FRMD6: variants seen among roughly 807,000 people sequenced by gnomAD.
FRMD6 encodes FERM domain-containing protein 6.
A neutral mutation model predicts 73.2 loss-of-function variants in FRMD6; 37 were observed. The ratio of observed to expected loss-of-function variants is 0.51; its 90% CI spans 0.39 to 0.66. The LOEUF is 0.66. FRMD6 is among the 30% of genes least tolerant of loss of function. The pLI is 0.00. For missense variants in FRMD6, 714 were observed against 780.5 expected (o/e 0.91, Z 1.02); for synonymous variants, 273 against 282.2 (o/e 0.97, Z 0.33).
At chr14:51,719,963 G>T in intron 10 of FRMD6, 92 bp from the exon 11 acceptor site, 2 of 920,208 alleles carry the variant, frequency 2.2e-6, no homozygotes, top group Non-Finnish European at 3.3e-6. Flanking sequence ...TTCTGAATTT[G>T]AAGTTATCCT....
At chr14:51,630,753 A>G (rs1243379415) in intron 2 of FRMD6, among the ~76,000 whole-genome samples, 1 of 152,210 alleles carries the variant, frequency 6.6e-6, no homozygotes, top group African/African-American at 2.4e-5. Flanking sequence ...CTCTAAAAAA[A>G]TACATAAATA....
chr14:51,457,905 A>G, the FRMD6 span, among the ~76,000 whole-genome samples: 1 of 152,218 alleles, frequency 6.6e-6, no homozygotes, highest in Admixed American at 6.5e-5. Context: ...TGGGGAACAC[A>G]TGGATCAAAT....
intron 2 of FRMD6, among the ~76,000 whole-genome samples, chr14:51,642,672 G>T (rs1403553793): frequency 6.6e-6 from 1 of 152,158 alleles, no homozygotes; most frequent in African/African-American, 2.4e-5. Flanking sequence ...TGTGGTGCTA[G>T]ATGTAGTATG....
intron 1 of FRMD6, among the ~76,000 whole-genome samples, chr14:51,516,191 A>T (rs1269534871): frequency 6.6e-6 from 1 of 152,088 alleles, no homozygotes; most frequent in Non-Finnish European, 1.5e-5. Flanking sequence ...TAAGGACTAA[A>T]CACAGCTATT....
intron 1 of FRMD6, among the ~76,000 whole-genome samples, chr14:51,547,363 C>T (rs1886531523): frequency 6.6e-6 from 1 of 152,154 alleles, no homozygotes; most frequent in South Asian, 2.1e-4. Flanking sequence ...TTTCTCTTGG[C>T]TGTAAGTTTG....
intron 1 of FRMD6, among the ~76,000 whole-genome samples, chr14:51,508,518 C>T (rs541843092): frequency 2.0e-5 from 3 of 152,160 alleles, no homozygotes; most frequent in African/African-American, 7.2e-5. Context: ...GAGACAAGAG[C>T]AAGACGTGAA....
At chr14:51,399,953 A>G in the FRMD6 span, among the ~76,000 whole-genome samples, 9 of 149,604 alleles carry the variant, frequency 6.0e-5, no homozygotes, top group East Asian at 9.6e-4. Flanking sequence ...TTTAGTTAGC[A>G]AATATTCCTT....
intron 1 of FRMD6, among the ~76,000 whole-genome samples, chr14:51,515,392 G>C (rs1177557683): frequency 6.6e-6 from 1 of 152,218 alleles, no homozygotes; most frequent in Non-Finnish European, 1.5e-5. Flanking sequence ...CCTACTGGCT[G>C]CCTCCCTGAA....
intron 2 of FRMD6, among the ~76,000 whole-genome samples, chr14:51,574,323 C>T (rs1184029433): frequency 1.3e-5 from 2 of 152,106 alleles, no homozygotes; most frequent in Non-Finnish European, 2.9e-5. Context: ...AGGGCACATG[C>T]AAAAATAGAC....
At chr14:51,537,151 T>C (rs1885945142) in intron 1 of FRMD6, among the ~76,000 whole-genome samples, 1 of 152,262 alleles carries the variant, frequency 6.6e-6, no homozygotes, top group Non-Finnish European at 1.5e-5. Context: ...AGTTTTACTT[T>C]CCTCAAAACC....
At chr14:51,475,157 G>T in the FRMD6 span, among the ~76,000 whole-genome samples, 2 of 152,062 alleles carry the variant, frequency 1.3e-5, no homozygotes, top group Non-Finnish European at 1.5e-5. Flanking sequence ...TGTATTCTCT[G>T]GTCCCCCTTT....
At chr14:51,436,940 G>C in the FRMD6 span, 1 of 1,000,586 alleles carries the variant, frequency 1.0e-6, no homozygotes, top group Non-Finnish European at 1.5e-6. Context: ...GGAGGGAGAG[G>C]AGGATGAAGG....
chr14:51,693,090 G>C (rs1057022842), intron 2 of FRMD6, among the ~76,000 whole-genome samples: 2 of 152,230 alleles, frequency 1.3e-5, no homozygotes, highest in East Asian at 3.9e-4. Flanking sequence ...GAGTAGTATG[G>C]AAGTGAAAAC....
chr14:51,402,641 C>CT, the FRMD6 span, among the ~76,000 whole-genome samples: 15,199 of 128,304 alleles, frequency 0.12, 988 homozygotes, highest in African/African-American at 0.13. Flanking sequence ...TTTTTCTTTT[C>CT]TTTTTTTTTT....
At chr14:51,594,842 G>A (rs1889622499) in intron 2 of FRMD6, among the ~76,000 whole-genome samples, 1 of 152,232 alleles carries the variant, frequency 6.6e-6, no homozygotes, top group Admixed American at 6.5e-5. Flanking sequence ...AAAGCAGGAA[G>A]AGTCCCTGTT....
chr14:51,414,035 T>A, the FRMD6 span, among the ~76,000 whole-genome samples: 1 of 152,252 alleles, frequency 6.6e-6, no homozygotes, highest in Non-Finnish European at 1.5e-5. Context: ...TTAAGCCCTT[T>A]GTAGATTCTG....
intron 1 of FRMD6, among the ~76,000 whole-genome samples, chr14:51,512,088 C>A (rs113505596): frequency 6.6e-6 from 1 of 152,024 alleles, no homozygotes; most frequent in Non-Finnish European, 1.5e-5. Context: ...GAAATGAAGA[C>A]GGCTAACTTT....
At position 51,529,709 on chromosome 14, in the gene FRMD6, C is replaced by G. The variant is rs151283728; in HGVS notation, c.-210+40289C>G. On this transcript the variant is annotated intron_variant, in intron 1 of 14. Transcript: ENST00000356218. ...CCACCCTACCTTGAGAGACACGTGT[C>G]TTAAACATCTCACCTGGCAAAAGCA... 1.4e-3 allele frequency among the ~76,000 whole-genome samples: 217 copies of G among 152,300 alleles called. 1 individual carries two copies. The highest frequency in any genetic ancestry group is 4.5e-3 in the African/African-American group (189 of 41,554).
intron 8 of FRMD6, among the ~76,000 whole-genome samples, chr14:51,711,920 ATTCTTTTATCC>A (rs1447112497): frequency 2.6e-5 from 4 of 152,250 alleles, no homozygotes; most frequent in African/African-American, 9.6e-5. Flanking sequence ...GATTTTAAAT[ATTCTTTTATCC>A]TTTGGAGCAT....
Sources: gnomAD v4.1 joint callset for allele counts (sites outside exome capture counted in the v4.1 genomes callset) on GRCh38, gnomAD v4.1.1 for gene constraint, MANE v1.5 for transcripts, NCBI Gene and HGNC (gene_info 2026-07-23, HGNC 2026-07-21) for gene names.